MAGI2: variants seen among roughly 807,000 people sequenced by gnomAD.
MAGI2 encodes membrane-associated guanylate kinase, WW and PDZ domain-containing protein 2.
In MAGI2, 35 loss-of-function variants were observed where a neutral mutation model predicts 133.3. The ratio of observed to expected loss-of-function variants is 0.26; its 90% CI spans 0.20 to 0.35. The LOEUF is 0.35. Ranked by LOEUF, MAGI2 falls within the 10% of genes least tolerant of loss-of-function variation. The pLI, the probability that MAGI2 is intolerant of heterozygous loss-of-function variation, is 1.00. For missense variants in MAGI2, 1,636 were observed against 1,863.4 expected, an observed-to-expected ratio of 0.88 and a Z score of 2.25; for synonymous variants, 729 against 710.6, an observed-to-expected ratio of 1.03 and a Z score of -0.41.
chr7:78,711,370 A>T (rs1271258017), intron 2 of MAGI2, among the ~76,000 whole-genome samples: 4 of 152,238 alleles, frequency 2.6e-5, no homozygotes, highest in Admixed American at 2.6e-4. Context: ...GAGAGGAGGG[A>T]TGTTATTACC....
chr7:78,601,153 A>C (rs759806918), intron 3 of MAGI2, among the ~76,000 whole-genome samples: 3 of 152,174 alleles, frequency 2.0e-5, no homozygotes, highest in African/African-American at 4.8e-5. Flanking sequence ...TATTCCTCTT[A>C]GTGGTTGGTC....
chr7:78,658,290 A>AT (rs1229675231), intron 2 of MAGI2, among the ~76,000 whole-genome samples: 10 of 46,778 alleles, frequency 2.1e-4, no homozygotes, highest in Non-Finnish European at 4.9e-4. Context: ...AGTGGTTTTT[A>AT]AAAAACGACT....
intron 21 of MAGI2, among the ~76,000 whole-genome samples, chr7:78,021,497 CTTTG>C (rs1382218658): frequency 1.3e-5 from 2 of 152,164 alleles, no homozygotes; most frequent in East Asian, 1.9e-4. Context: ...CCAGGGTCTA[CTTTG>C]TTTGAAACTT....
At chr7:79,080,892 A>G (rs1422364615) in intron 1 of MAGI2, among the ~76,000 whole-genome samples, 1 of 152,038 alleles carries the variant, frequency 6.6e-6, no homozygotes, top group African/African-American at 2.4e-5. Context: ...GATCATTCCC[A>G]CATTCACTAT....
At chr7:79,080,819 T>A (rs1473353637) in intron 1 of MAGI2, among the ~76,000 whole-genome samples, 1 of 152,126 alleles carries the variant, frequency 6.6e-6, no homozygotes, top group Non-Finnish European at 1.5e-5. Context: ...CTGCTCTCTA[T>A]CAGTTACCAC....
intron 21 of MAGI2, among the ~76,000 whole-genome samples, chr7:78,033,733 G>A (rs1809863296): frequency 6.6e-6 from 1 of 152,088 alleles, no homozygotes; most frequent in Non-Finnish European, 1.5e-5. Flanking sequence ...TAGATGCAGA[G>A]AGTAGGGAAG....
chr7:79,175,771 G>A (rs759695350), intron 1 of MAGI2, among the ~76,000 whole-genome samples: 6 of 151,898 alleles, frequency 4.0e-5, no homozygotes, highest in African/African-American at 1.5e-4. Flanking sequence ...TTGTGTATTC[G>A]AATATATCTA....
intron 1 of MAGI2, among the ~76,000 whole-genome samples, chr7:79,149,127 A>AAT (rs1562941294): frequency 6.9e-6 from 1 of 144,384 alleles, no homozygotes; most frequent in Non-Finnish European, 1.5e-5. Flanking sequence ...TATATAATAT[A>AAT]ATATATATAC....
At chr7:78,866,061 GA>G (rs893582446) in intron 2 of MAGI2, among the ~76,000 whole-genome samples, 27 of 150,544 alleles carry the variant, frequency 1.8e-4, no homozygotes, top group East Asian at 1.4e-3. Flanking sequence ...TTCTGACCAA[GA>G]AAAAAAAATG....
chr7:78,623,995 T>C (rs1448177560), intron 3 of MAGI2, among the ~76,000 whole-genome samples: 3 of 152,112 alleles, frequency 2.0e-5, no homozygotes, highest in Admixed American at 6.5e-5. Context: ...CTAGCATCTG[T>C]TGTTTTTTGA....
chr7:78,727,694 T>C (rs555858924), intron 2 of MAGI2, among the ~76,000 whole-genome samples: 27 of 152,356 alleles, frequency 1.8e-4, no homozygotes, highest in African/African-American at 5.8e-4. Flanking sequence ...TCAAACGCTA[T>C]AGACAAGAAA....
At chr7:79,387,260 T>G (rs1272293633) in intron 1 of MAGI2, among the ~76,000 whole-genome samples, 1 of 152,038 alleles carries the variant, frequency 6.6e-6, no homozygotes. Context: ...TTCCATTTGC[T>G]TACTTTGGAA....
At chr7:78,081,504 G>A (rs764963389) in intron 20 of MAGI2, among the ~76,000 whole-genome samples, 3 of 152,144 alleles carry the variant, frequency 2.0e-5, no homozygotes, top group Non-Finnish European at 4.4e-5. Context: ...TGGGGGTGGT[G>A]GGTAGTCAGG....
At chr7:78,903,772 A>C (rs55973906) in intron 2 of MAGI2, among the ~76,000 whole-genome samples, 4,008 of 152,230 alleles carry the variant, frequency 0.026, 181 homozygotes, top group African/African-American at 0.09. Flanking sequence ...AAAAATACGC[A>C]GTTATTAGCT....
intron 1 of MAGI2, among the ~76,000 whole-genome samples, chr7:79,079,769 A>G (rs1815872640): frequency 6.6e-6 from 1 of 152,132 alleles, no homozygotes; most frequent in Admixed American, 6.6e-5. Context: ...CTTTTTGACT[A>G]TAAATTTACA....
chr7:79,270,136 C>A (rs756340689), intron 1 of MAGI2, among the ~76,000 whole-genome samples: 9 of 152,122 alleles, frequency 5.9e-5, no homozygotes, highest in African/African-American at 9.7e-5. Flanking sequence ...CATATGAAAA[C>A]CATTTTCCAC....
intron 9 of MAGI2, among the ~76,000 whole-genome samples, chr7:78,295,169 TGTA>T (rs1797106022): frequency 1.3e-5 from 2 of 152,168 alleles, no homozygotes; most frequent in African/African-American, 2.4e-5. Flanking sequence ...TTTTTGATAA[TGTA>T]GTAATAGTTC....
chr7:78,501,216 A>G (rs1794589667), intron 5 of MAGI2, among the ~76,000 whole-genome samples: 1 of 152,332 alleles, frequency 6.6e-6, no homozygotes, highest in Admixed American at 6.5e-5. Context: ...CTTAGATAAT[A>G]GGAAAAAAAT....
intron 1 of MAGI2, among the ~76,000 whole-genome samples, chr7:79,089,940 T>TA (rs1277684577): frequency 7.2e-5 from 11 of 151,984 alleles, no homozygotes; most frequent in Non-Finnish European, 1.5e-5. Context: ...CGTGTATACC[T>TA]ATGTAAGGTA....
Sources: allele counts gnomAD v4.1 joint callset (sites outside exome capture counted in the v4.1 genomes callset), GRCh38; gene constraint gnomAD v4.1.1; transcripts MANE v1.5; gene names NCBI Gene and HGNC (gene_info 2026-07-23, HGNC 2026-07-21).